The following ATP8A2 variants were observed in gnomAD, a reference collection of about 807,000 sequenced individuals.
ATP8A2 encodes the protein phospholipid-transporting ATPase IB.
In ATP8A2, 100 loss-of-function variants were observed where a neutral mutation model predicts 165.6. That is an observed-to-expected ratio of 0.60 (90% CI 0.51 to 0.71). The LOEUF is 0.71. Among genes scored for constraint, ATP8A2 ranks in the 30% least tolerant of loss-of-function variants. ATP8A2 has a pLI of 0.00. For synonymous variants in ATP8A2, 543 were observed against 548.8 expected (o/e 0.99, Z 0.15); for missense variants, 1,227 against 1,479.5 (o/e 0.83, Z 2.80).
At chr13:25,643,336 CCTTT>C (rs557246454) in intron 24 of ATP8A2, among the ~76,000 whole-genome samples, 118 of 152,206 alleles carry the variant, frequency 7.8e-4, no homozygotes, top group Non-Finnish European at 1.2e-3. Flanking sequence ...ATGTTTTCAT[CCTTT>C]CTTCTGTTGA....
intron 2 of ATP8A2, among the ~76,000 whole-genome samples, chr13:25,520,263 A>G (rs2037619678): frequency 6.6e-6 from 1 of 152,222 alleles, no homozygotes; most frequent in South Asian, 2.1e-4. Context: ...GAGTGAGAAC[A>G]TGTGATATTT....
chr13:26,009,123 T>G (rs1956794927), intron 35 of ATP8A2, among the ~76,000 whole-genome samples: 1 of 152,214 alleles, frequency 6.6e-6, no homozygotes, highest in Non-Finnish European at 1.5e-5. Flanking sequence ...ATTTAAGACT[T>G]TATTATTTTA....
chr13:25,790,491 G>A (rs2045139935), intron 27 of ATP8A2, among the ~76,000 whole-genome samples: 1 of 150,718 alleles, frequency 6.6e-6, no homozygotes, highest in Non-Finnish European at 1.5e-5. Context: ...TTTGAGACCA[G>A]CCTGGGAAAC....
rs375681956 is a variant in ATP8A2, at chr13:25,563,957, C to G, written c.1399C>G (p.Arg467Gly). Residue 467 changes from arginine (R) to glycine (G), a missense_variant and splice_region_variant, in exon 16 of 37, where the codon CGG becomes GGG. Transcript: ENST00000381655. Reference protein sequence around the residue: ...AREPSSDDFCRMPPPCSDSCD... With the variant: ...AREPSSDDFCGMPPPCSDSCD... ...AATTTTCTCTGTTCTCTCTTACAGT[C>G]GGATGCCTCCTCCCTGTAGTGATTC... The G allele has an allele frequency of 6.2e-7, 1 of 1,608,214 alleles. No individual in the cohort carries two copies. Among genetic ancestry groups the G allele is most frequent in the African/African-American group, 1.3e-5 (1 of 74,812 alleles).
chr13:25,896,849 T>C (rs1953569062), intron 33 of ATP8A2, among the ~76,000 whole-genome samples: 1 of 152,208 alleles, frequency 6.6e-6, no homozygotes, highest in African/African-American at 2.4e-5. Flanking sequence ...GAGACTAGGA[T>C]TGCAACCCCT....
At chr13:25,892,437 A>C (rs975797458) in intron 33 of ATP8A2, among the ~76,000 whole-genome samples, 5 of 140,292 alleles carry the variant, frequency 3.6e-5, no homozygotes, top group African/African-American at 1.6e-4. Context: ...AAGGCAATGG[A>C]AACAACAAAT....
chr13:25,538,323 A>T (rs573489366), intron 7 of ATP8A2, among the ~76,000 whole-genome samples: 1 of 151,980 alleles, frequency 6.6e-6, no homozygotes, highest in East Asian at 1.9e-4. Flanking sequence ...TTTCTTATTT[A>T]TAGGGGCACT....
At chr13:25,860,154 T>C in intron 30 of ATP8A2, 41 bp from the exon 31 acceptor site, 1 of 1,429,510 alleles carries the variant, frequency 7.0e-7, no homozygotes, top group African/African-American at 1.4e-5. Flanking sequence ...GTGGCCATGC[T>C]CAGCTTCTTG....
In ATP8A2 at chr13:25,750,231, A is replaced by G. The variant is rs2044125024; in HGVS notation, c.2385-18815A>G. Among the ~76,000 whole-genome samples, 1 of 152,186 alleles carries G rather than the reference A, an allele frequency of 6.6e-6. No homozygotes were observed. The highest frequency in any genetic ancestry group is 2.4e-5 in the African/African-American group (1 of 41,450). On this transcript the variant is annotated intron_variant, in intron 25 of 36. Coordinates refer to ENST00000381655, the MANE Select transcript of ATP8A2 (RefSeq NM_016529.6). The surrounding 1 kb of genome is among the most constrained non-coding windows in gnomAD (Gnocchi z 4.3). The stretch of plus-strand genomic sequence containing the variant: ...GAAGACAGGCCGGTGTCCAGAAAGC[A>G]GCTCCTGACCCAGGCAGAGCAGGCT...
At chr13:25,539,897 G>T (rs970731344) in intron 7 of ATP8A2, among the ~76,000 whole-genome samples, 3 of 152,132 alleles carry the variant, frequency 2.0e-5, no homozygotes, top group African/African-American at 7.2e-5. Context: ...AACTCCTCTG[G>T]CTGTTGTTTT....
intron 33 of ATP8A2, among the ~76,000 whole-genome samples, chr13:25,937,362 C>CTTTCTTTCTTTCTTTTTTTTT: frequency 5.2e-5 from 2 of 38,798 alleles, no homozygotes; most frequent in African/African-American, 1.4e-4. Context: ...TTCTTTCTTT[C>CTTTCTTTCTTTCTTTTTTTTT]TTTTTTTTTT....
chr13:25,704,907 G>A (rs998316658), intron 25 of ATP8A2, among the ~76,000 whole-genome samples: 6 of 152,060 alleles, frequency 3.9e-5, no homozygotes, highest in Non-Finnish European at 8.8e-5. Context: ...CACACAGTTG[G>A]CTGTGTCAGC....
chr13:25,490,020 C>T (rs1366135787), intron 2 of ATP8A2, among the ~76,000 whole-genome samples: 1 of 152,128 alleles, frequency 6.6e-6, no homozygotes. Context: ...TCGGTGTATA[C>T]TGTCTTGGTG....
chr13:25,726,686 ACTATAC>A (rs1360047711), intron 25 of ATP8A2, among the ~76,000 whole-genome samples: 1 of 152,106 alleles, frequency 6.6e-6, no homozygotes, highest in Non-Finnish European at 1.5e-5. Context: ...AAGATCCTTT[ACTATAC>A]CTGCACATTT....
intron 10 of ATP8A2, among the ~76,000 whole-genome samples, chr13:25,548,480 G>A (rs1198414031): frequency 6.6e-6 from 1 of 152,200 alleles, no homozygotes; most frequent in African/African-American, 2.4e-5. Flanking sequence ...TGAGGTTTAT[G>A]ATAATTTTTT....
intron 2 of ATP8A2, among the ~76,000 whole-genome samples, chr13:25,494,802 G>T (rs140388002): frequency 1.3e-5 from 2 of 152,054 alleles, no homozygotes; most frequent in African/African-American, 4.8e-5. Context: ...AGCTGTGAGC[G>T]AATTCGACTT....
chr13:25,895,476 A>T (rs1167294014), intron 33 of ATP8A2, among the ~76,000 whole-genome samples: 1 of 152,188 alleles, frequency 6.6e-6, no homozygotes, highest in Admixed American at 6.5e-5. Context: ...TTCATCAAGG[A>T]TATTGGTCTA....
At chr13:25,730,011 C>A (rs1375987227) in intron 25 of ATP8A2, among the ~76,000 whole-genome samples, 5 of 152,172 alleles carry the variant, frequency 3.3e-5, no homozygotes, top group African/African-American at 1.2e-4. Flanking sequence ...TAGAAAGCAG[C>A]CTGGCGCAGT....
At position 25,822,202 on chromosome 13, in the gene ATP8A2, C is replaced by T. The variant is rs938896443; in HGVS notation, c.2680-5916C>T. Among the ~76,000 whole-genome samples, 6 of 152,108 alleles carry T rather than the reference C, an allele frequency of 3.9e-5. No individual in the cohort carries two copies. In the South Asian group the frequency reaches 1.0e-3, roughly 26 times the overall value. On this transcript the variant is annotated intron_variant, in intron 27 of 36. Coordinates refer to ENST00000381655, the MANE Select transcript of ATP8A2 (RefSeq NM_016529.6). ...ACAGGATGAGCCGTAATTTCTTTAA[C>T]CAGCTTTCAATATACATGCAGGCTC...
Sources: allele counts gnomAD v4.1 joint callset (sites outside exome capture counted in the v4.1 genomes callset), GRCh38; gene constraint gnomAD v4.1.1; non-coding constraint Gnocchi (gnomAD v3.1); transcripts MANE v1.5; gene names NCBI Gene and HGNC (gene_info 2026-07-23, HGNC 2026-07-21).